Variants in KIF22 observed in about 807,000 individuals in gnomAD.
KIF22 encodes the protein kinesin-like protein KIF22.
A neutral mutation model predicts 73.0 loss-of-function variants in KIF22; 62 were observed. The observed-to-expected ratio is 0.85, with a 90% CI of 0.69 to 1.05. KIF22 has a LOEUF of 1.05. KIF22 is among the 50% of genes least tolerant of loss of function. The pLI, the probability that KIF22 is intolerant of heterozygous loss-of-function variation, is 0.00. For missense variants in KIF22, 854 were observed against 870.1 expected, an observed-to-expected ratio of 0.98 and a Z score of 0.23; for synonymous variants, 411 against 340.1, an observed-to-expected ratio of 1.21 and a Z score of -2.29.
chr16:29,791,528 C>T (rs1398193429), intron 1 of KIF22: 1 of 152,246 alleles, frequency 6.6e-6, no homozygotes, highest in African/African-American at 2.4e-5. Flanking sequence ...TGATGGTGAG[C>T]GCCATAGTAA....
chr16:29,801,621 AC>A, intron 8 of KIF22, among the ~76,000 whole-genome samples: 2 of 152,292 alleles, frequency 1.3e-5, no homozygotes, highest in Middle Eastern at 6.8e-3. Flanking sequence ...AACCCAGCAG[AC>A]CCAGAGCTTG....
chr16:29,803,536 C>T lies in KIF22; in HGVS notation c.1537C>T (p.Arg513Trp), dbSNP rs1370090823. The T allele has an allele frequency of 2.5e-6, 4 of 1,613,930 alleles. No homozygotes were observed. The highest frequency in any genetic ancestry group is 3.4e-6 in the Non-Finnish European group (4 of 1,179,946). ...EKENHCPTML[R>W]PLSHRTVTGA... is the part of the protein sequence containing the mutation. ...GGAGAACCATTGTCCCACAATGCTC[C>T]GGCCCCTTTCACATCGCACAGTCAC... The change falls in exon 10 of 14, where the codon CGG becomes TGG. Residue 513 changes from arginine (R) to tryptophan (W), a missense_variant. This residue lies in a region of KIF22 where 423 missense variants were observed against 365.4 expected (regional missense o/e 1.16). Coordinates refer to ENST00000160827, the MANE Select transcript of KIF22 (RefSeq NM_007317.3).
At chr16:29,791,514 G>C (rs894851359) in intron 1 of KIF22, 7 of 152,434 alleles carry the variant, frequency 4.6e-5, no homozygotes, top group African/African-American at 1.7e-4. Context: ...ATCCTCGTTA[G>C]TGATGATGGT....
At chr16:29,796,284 AACAC>A (rs1407553871) in intron 1 of KIF22, among the ~76,000 whole-genome samples, 8 of 146,614 alleles carry the variant, frequency 5.5e-5, no homozygotes, top group African/African-American at 2.1e-4. Context: ...AAAAAAAAAA[AACAC>A]ACACACACAC....
Position 29,805,256 on chromosome 16 carries a change from G to A in KIF22, c.1951-7G>A, listed in dbSNP as rs748618601. On this transcript the variant is annotated splice_polypyrimidine_tract_variant and splice_region_variant and intron_variant, in intron 13 of 13. Coordinates refer to ENST00000160827, the MANE Select transcript of KIF22 (RefSeq NM_007317.3). ...ACGTCGCTGTCTCCCTCCCTCCTGT[G>A]TTGCAGGCAAACATCCTGGGTCTCG... The A allele has an allele frequency of 1.9e-6, 3 of 1,614,116 alleles. No homozygotes were observed. The highest frequency in any genetic ancestry group is 2.7e-5 in the African/African-American group (2 of 75,044).
At position 29,798,286 on chromosome 16, in the gene KIF22, T is replaced by G; in HGVS notation, c.267-88T>G. On this transcript the variant is annotated intron_variant, in intron 2 of 13. Coordinates refer to ENST00000160827, the MANE Select transcript of KIF22 (RefSeq NM_007317.3). The surrounding 1 kb of genome is among the most constrained non-coding windows in gnomAD (Gnocchi z 4.1). ...AGGTCCAGATGAGAGTAGAATCCCT[T>G]ACCCACCCCCACCCCACTCCACCCC... 1 of 1,485,602 alleles carries G rather than the reference T, an allele frequency of 6.7e-7. No homozygotes were observed. The highest frequency in any genetic ancestry group is 9.1e-7 in the Non-Finnish European group (1 of 1,104,266). The allele number at this position is 1,485,602 out of a possible 1,614,324, so 92.0% of individuals were successfully genotyped here.
chr16:29,803,938 T>TGGTA, intron 10 of KIF22, 60 bp from the exon 11 acceptor site: 1 of 1,282,508 alleles, frequency 7.8e-7, no homozygotes, highest in Non-Finnish European at 1.1e-6. Flanking sequence ...ATCGAAGGGC[T>TGGTA]ACCAGGGAGG....
At chr16:29,800,914 A>C (rs1042377776) in intron 8 of KIF22, among the ~76,000 whole-genome samples, 3 of 152,274 alleles carry the variant, frequency 2.0e-5, no homozygotes, top group African/African-American at 7.2e-5. Flanking sequence ...CAACCCCTTT[A>C]GCCTTCAGCA....
In KIF22 at chr16:29,798,346, ACG is replaced by A; in HGVS notation, c.267-26_267-25del. On this transcript the variant is annotated intron_variant, in intron 2 of 13. Coordinates refer to ENST00000160827, the MANE Select transcript of KIF22 (RefSeq NM_007317.3). This position sits in a 1 kb window ranked among gnomAD's most constrained non-coding sequence, Gnocchi z 4.1. ...CACACACACACACACACACACACAC[ACG>A]CTAATTTCTTTCTTTCTTCCTGCAG... is the stretch of plus-strand genomic sequence containing the variant. The A allele has an allele frequency of 2.0e-6, 3 of 1,494,922 alleles. No homozygotes were observed. The highest frequency in any genetic ancestry group is 1.8e-6 in the Non-Finnish European group (2 of 1,122,654). The allele number at this position is 1,494,922 out of a possible 1,614,324, so 92.6% of individuals were successfully genotyped here.
At position 29,790,785 on chromosome 16, in the gene KIF22, A is replaced by C. The variant is rs934601796; in HGVS notation, c.26A>C (p.Gln9Pro). MAAGGSTQ[Q>P]RRREMAAASA... ...ATGGCCGCGGGCGGCTCGACGCAGC[A>C]GAGGCGACGCGAGATGGCGGCAGCT... The change falls in exon 1 of 14, where the codon CAG (glutamine) becomes CCG (proline). Residue 9 changes from glutamine (Q) to proline (P), a missense_variant. By Grantham distance (76) the Gln-to-Pro change is moderately conservative. Transcript: ENST00000160827. 4.4e-6 allele frequency: 7 copies of C among 1,602,754 alleles called. No homozygotes were observed. In the South Asian group the frequency reaches 7.8e-5, roughly 18 times the overall value.
chr16:29,805,087 C>T (rs1899320210), intron 12 of KIF22, 28 bp from the exon 13 acceptor site: 1 of 1,613,420 alleles, frequency 6.2e-7, no homozygotes, highest in Non-Finnish European at 8.5e-7. Flanking sequence ...CCCCGAGACC[C>T]TGTCCCCTAT....
Position 29,804,081 on chromosome 16 carries a change from G to A in KIF22, c.1677+16G>A, listed in dbSNP as rs1329463226. 1 of 1,607,862 alleles carries A rather than the reference G, an allele frequency of 6.2e-7. No homozygotes were observed. The highest frequency in any genetic ancestry group is 8.5e-7 in the Non-Finnish European group (1 of 1,174,496). On this transcript the variant is annotated intron_variant, in intron 11 of 13. Transcript: ENST00000160827. ...GAAGAGAAAGGTGAAAGTAGCTGGG[G>A]GCTTAGGCTACACCTGGAGCCCAGA...
At position 29,805,297 on chromosome 16, in the gene KIF22, G is replaced by C; in HGVS notation, c.1985G>C (p.Cys662Ser). Residue 662 changes from cysteine (C) to serine (S), a missense_variant, in exon 14 of 14, where the codon TGT becomes TCT. Coordinates refer to ENST00000160827, the MANE Select transcript of KIF22 (RefSeq NM_007317.3). ...CTGGGTCTCGCCGCCGGCCAGCGCT[G>C]TGGCGCCTCCTGACCGTCGTCTCCT... is the stretch of plus-strand genomic sequence containing the variant. The part of the protein sequence containing the change: ...NILGLAAGQR[C>S]GAS 6.2e-7 allele frequency: 1 copy of C among 1,613,634 alleles called. No homozygotes were observed. Among genetic ancestry groups the C allele is most frequent in the Non-Finnish European group, 8.5e-7 (1 of 1,180,032 alleles).
chr16:29,803,305 C>T (rs1899205993), intron 9 of KIF22, 144 bp from the exon 10 acceptor site: 2 of 897,746 alleles, frequency 2.2e-6, no homozygotes, highest in Non-Finnish European at 3.4e-6. Context: ...ATGTTAGGCT[C>T]CACCTGTCTC....
At position 29,803,563 on chromosome 16, in the gene KIF22, G is replaced by A. The variant is rs235650; in HGVS notation, c.1564G>A (p.Gly522Arg). 6.2e-7 allele frequency: 1 copy of A among 1,613,394 alleles called. No individual in the cohort carries two copies. The highest frequency in any genetic ancestry group is 1.1e-5 in the South Asian group (1 of 90,886). The change falls in exon 10 of 14, where the codon GGG (glycine) becomes AGG (arginine). Residue 522 changes from glycine (G) to arginine (R), a missense_variant. Coordinates refer to ENST00000160827, the MANE Select transcript of KIF22 (RefSeq NM_007317.3). ...GCCCCTTTCACATCGCACAGTCACA[G>A]GGGCAAAGCCCCTGAAAAAGGCTGT... is the stretch of plus-strand genomic sequence containing the variant. ...LRPLSHRTVTGAKPLKKAVVM... is the reference protein window; with the variant it reads ...LRPLSHRTVTRAKPLKKAVVM...
intron 1 of KIF22, chr16:29,791,179 G>A: frequency 8.5e-7 from 1 of 1,171,462 alleles, no homozygotes; most frequent in Non-Finnish European, 1.1e-6. Context: ...AGAGAAGAGT[G>A]GCGGACGCTC....
At chr16:29,804,757 G>A in intron 11 of KIF22, 57 bp from the exon 12 acceptor site, 2 of 1,390,356 alleles carry the variant, frequency 1.4e-6, no homozygotes, top group Non-Finnish European at 2.0e-6. Context: ...AGTCTTGGCA[G>A]AGGAGCCCAA....
At chr16:29,803,869 G>A in intron 10 of KIF22, 129 bp from the exon 11 acceptor site, 1 of 760,472 alleles carries the variant, frequency 1.3e-6, no homozygotes. Context: ...AAAAGGTCAT[G>A]TGGAAACACA....
rs748390975 is a variant in KIF22 at position 29,799,633 on chromosome 16, T to C, written c.996T>C (p.Ser332=). ...CTGCCTGGTCTCACCCTCAGGACTCTCTGGGTGGCTCAGCCCACAGTATCC... is the reference window on the plus strand; with the variant it reads ...CTGCCTGGTCTCACCCTCAGGACTCCCTGGGTGGCTCAGCCCACAGTATCC... ...DSKLTRLLQD[S]LGGSAHSILI... The change falls in exon 7 of 14, where the codon TCT becomes TCC. Residue 332 remains serine, a synonymous_variant. Coordinates refer to ENST00000160827, the MANE Select transcript of KIF22 (RefSeq NM_007317.3). The C allele has an allele frequency of 3.7e-6, 6 of 1,614,028 alleles. No homozygotes were observed. The highest frequency in any genetic ancestry group is 5.1e-6 in the Non-Finnish European group (6 of 1,179,998).
Sources: gnomAD v4.1 joint callset for allele counts (sites outside exome capture counted in the v4.1 genomes callset) on GRCh38, gnomAD v4.1.1 for gene constraint, gnomAD v4.1.1 regional missense constraint, Gnocchi (gnomAD v3.1) non-coding constraint, MANE v1.5 for transcripts, NCBI Gene and HGNC (gene_info 2026-07-23, HGNC 2026-07-21) for gene names.